VDAC1: variants seen among roughly 807,000 people sequenced by gnomAD.
VDAC1 encodes non-selective voltage-gated ion channel VDAC1.
In VDAC1, 10 loss-of-function variants were observed where a neutral mutation model predicts 34.7. That is an observed-to-expected ratio of 0.29 (90% CI 0.18 to 0.49). The LOEUF (loss-of-function observed/expected upper bound fraction) is 0.49, where lower values mean the gene tolerates loss of function less well. Among genes scored for constraint, VDAC1 ranks in the 20% least tolerant of loss-of-function variants. The pLI is 0.99. For synonymous variants in VDAC1, 130 were observed against 136.0 expected (o/e 0.96, Z 0.30); for missense variants, 230 against 347.9 (o/e 0.66, Z 2.69).
At chr5:134,098,169 C>CTTATTATTATTATTA in the VDAC1 span, among the ~76,000 whole-genome samples, 8 of 146,868 alleles carry the variant, frequency 5.4e-5, no homozygotes, top group African/African-American at 1.0e-4. Flanking sequence ...CCATGCCCTG[C>CTTATTATTATTATTA]TTATTATTAT....
chr5:134,005,449 T>A (rs1186756138), upstream of VDAC1: 2 of 152,274 alleles, frequency 1.3e-5, no homozygotes, highest in African/African-American at 2.4e-5. Context: ...AAAACCCCTG[T>A]GCGCCGATTT....
chr5:134,017,722 G>A, the VDAC1 span, among the ~76,000 whole-genome samples: 78 of 152,008 alleles, frequency 5.1e-4, 1 homozygote, highest in Non-Finnish European at 3.2e-4. Flanking sequence ...GACCATCCTG[G>A]CTAACACGGT....
At chr5:134,007,837 T>C (rs2127053459), upstream of VDAC1, among the ~76,000 whole-genome samples, 1 of 152,258 alleles carries the variant, frequency 6.6e-6, no homozygotes, top group East Asian at 1.9e-4. Flanking sequence ...GTTCTTGCCA[T>C]GCGTGGGTTT....
rs1752322162 is a variant in VDAC1 at position 133,972,211 on chromosome 5, T to C, written c.*560A>G. The C allele has an allele frequency of 1.2e-5, 2 of 165,284 alleles. No individual in the cohort carries two copies. The highest frequency in any genetic ancestry group is 2.4e-5 in the African/African-American group (1 of 42,068). The allele number at this position is 165,284 out of a possible 1,614,324, so 10.2% of individuals were successfully genotyped here. A position where few individuals can be genotyped will look rare whatever the true frequency, so the allele number is the denominator to read the frequency against. On this transcript the variant is annotated 3_prime_UTR_variant, in exon 9 of 9. Transcript: ENST00000265333. ...ACAAGAAGGAATAAGTCCTGAATTA[T>C]TGGCTTCATCACATCCACCTTCTCC...
the VDAC1 span, among the ~76,000 whole-genome samples, chr5:134,070,081 A>G: frequency 6.6e-6 from 1 of 152,150 alleles, no homozygotes; most frequent in Non-Finnish European, 1.5e-5. Flanking sequence ...AAACAGCCAT[A>G]CAAATGGGCA....
the VDAC1 span, among the ~76,000 whole-genome samples, chr5:134,026,407 C>T: frequency 6.7e-6 from 1 of 148,476 alleles, no homozygotes; most frequent in Non-Finnish European, 1.5e-5. Context: ...CTCAGCTACT[C>T]GGGAGGCTGA....
the VDAC1 span, among the ~76,000 whole-genome samples, chr5:134,071,509 C>G: frequency 6.6e-6 from 1 of 152,364 alleles, no homozygotes; most frequent in African/African-American, 2.4e-5. This position sits in a 1 kb window ranked among gnomAD's most constrained non-coding sequence, Gnocchi z 4.1. Context: ...CCTCAGGGCT[C>G]TCAGCCTCCG....
chr5:133,996,747 T>G (rs533530823), intron 1 of VDAC1, among the ~76,000 whole-genome samples: 4 of 152,242 alleles, frequency 2.6e-5, no homozygotes, highest in African/African-American at 9.6e-5. Context: ...CATCAAAGTA[T>G]TATTTAGCAA....
At chr5:134,062,638 T>C in the VDAC1 span, among the ~76,000 whole-genome samples, 47 of 151,920 alleles carry the variant, frequency 3.1e-4, no homozygotes, top group Admixed American at 1.1e-3. Flanking sequence ...TTTTTGTTTC[T>C]TTGTTTGCGA....
At chr5:134,089,248 G>A in the VDAC1 span, among the ~76,000 whole-genome samples, 1 of 152,244 alleles carries the variant, frequency 6.6e-6, no homozygotes, top group African/African-American at 2.4e-5. Flanking sequence ...GCTCGCCCCA[G>A]CCTCAGCGCA....
chr5:134,094,407 G>A, the VDAC1 span, among the ~76,000 whole-genome samples: 1 of 152,122 alleles, frequency 6.6e-6, no homozygotes, highest in Non-Finnish European at 1.5e-5. Flanking sequence ...AGAATGAAAA[G>A]ACATGAAATG....
intron 1 of VDAC1, among the ~76,000 whole-genome samples, chr5:134,001,181 T>G (rs1480629396): frequency 6.6e-6 from 1 of 152,238 alleles, no homozygotes; most frequent in Non-Finnish European, 1.5e-5. Context: ...GGAGTGCAAC[T>G]GCAATGTGAG....
the VDAC1 span, among the ~76,000 whole-genome samples, chr5:134,105,776 T>C: frequency 1.1e-4 from 16 of 152,258 alleles, no homozygotes; most frequent in African/African-American, 3.9e-4. Context: ...CCTGCTCCCT[T>C]GGCAGTGCCC....
the VDAC1 span, among the ~76,000 whole-genome samples, chr5:134,096,079 A>G: frequency 6.6e-6 from 1 of 152,166 alleles, no homozygotes; most frequent in African/African-American, 2.4e-5. Context: ...GTCAGACTCT[A>G]TCCCGCGTGC....
At chr5:134,046,086 C>T in the VDAC1 span, among the ~76,000 whole-genome samples, 1 of 151,212 alleles carries the variant, frequency 6.6e-6, no homozygotes, top group South Asian at 2.1e-4. Context: ...AGTGCAGTGG[C>T]GCAATCTCGG....
At chr5:134,093,352 C>T in the VDAC1 span, among the ~76,000 whole-genome samples, 3 of 145,978 alleles carry the variant, frequency 2.1e-5, no homozygotes, top group Non-Finnish European at 4.4e-5. Flanking sequence ...GACACACACG[C>T]ATATAAGTGT....
chr5:134,026,234 G>A, the VDAC1 span, among the ~76,000 whole-genome samples: 4 of 152,186 alleles, frequency 2.6e-5, no homozygotes, highest in Non-Finnish European at 5.9e-5. Flanking sequence ...ATGGCTGGGT[G>A]TGGTGGCTCA....
At chr5:134,083,056 G>T in the VDAC1 span, among the ~76,000 whole-genome samples, 1 of 152,142 alleles carries the variant, frequency 6.6e-6, no homozygotes, top group African/African-American at 2.4e-5. Flanking sequence ...CCTTGCAATG[G>T]ATGCAGATTT....
At chr5:133,996,428 G>A (rs1392431461) in intron 1 of VDAC1, among the ~76,000 whole-genome samples, 2 of 152,100 alleles carry the variant, frequency 1.3e-5, no homozygotes, top group Non-Finnish European at 1.5e-5. Context: ...AGCACAGAGG[G>A]GAAGGATAGT....
Sources: gnomAD v4.1 joint callset for allele counts (sites outside exome capture counted in the v4.1 genomes callset) on GRCh38, gnomAD v4.1.1 for gene constraint, Gnocchi (gnomAD v3.1) non-coding constraint, MANE v1.5 for transcripts, NCBI Gene and HGNC (gene_info 2026-07-23, HGNC 2026-07-21) for gene names.